Variants in ITIH5 observed in about 807,000 individuals in gnomAD.
ITIH5 encodes inter-alpha-trypsin inhibitor heavy chain 5.
A neutral mutation model predicts 77.5 loss-of-function variants in ITIH5; 65 were observed. The observed-to-expected ratio is 0.84, with a 90% confidence interval of 0.69 to 1.03. The LOEUF is 1.03. Ranked by LOEUF, ITIH5 falls within the 50% of genes least tolerant of loss-of-function variation. ITIH5 has a pLI of 0.00. For synonymous variants in ITIH5, 525 were observed against 494.3 expected (o/e 1.06, Z -0.82); for missense variants, 1,208 against 1,213.1 (o/e 1.00, Z 0.06).
At position 7,624,796 on chromosome 10, in the gene ITIH5, A is replaced by ATATATATATGTATATAC. The variant is rs201943945; in HGVS notation, c.653-7515_653-7514insGTATATACATATATATA. On this transcript the variant is annotated intron_variant, in intron 5 of 13. Coordinates refer to ENST00000397146, the MANE Select transcript of ITIH5 (RefSeq NM_030569.7). ...GTGAGACTCTGCCTAAAAAAAAAAA[A>ATATATATATGTATATAC]AAATATATATATATATACACATATA... is the stretch of plus-strand genomic sequence containing the variant. Among the ~76,000 whole-genome samples the ATATATATATGTATATAC allele has an allele frequency of 2.6e-4, 16 of 61,158 alleles. 1 individual carries two copies. The highest frequency in any genetic ancestry group is 6.5e-4 in the Admixed American group (3 of 4,614). The allele number at this position is 61,158 out of a possible 152,430, so 40.1% of individuals were successfully genotyped here.
chr10:7,570,989 C>T (rs560768063), intron 11 of ITIH5, among the ~76,000 whole-genome samples: 17 of 152,276 alleles, frequency 1.1e-4, no homozygotes, highest in South Asian at 4.1e-4. Flanking sequence ...ACGCTGTGCA[C>T]GGTGTAGGCA....
At chr10:7,635,101 G>A (rs1177781619) in intron 5 of ITIH5, among the ~76,000 whole-genome samples, 1 of 152,072 alleles carries the variant, frequency 6.6e-6, no homozygotes, top group Non-Finnish European at 1.5e-5. Flanking sequence ...CTTTTCTTCT[G>A]TAGTTCGAAG....
chr10:7,577,615 C>T (rs1357024441), intron 9 of ITIH5, among the ~76,000 whole-genome samples: 3 of 152,198 alleles, frequency 2.0e-5, no homozygotes, highest in Admixed American at 6.5e-5. Context: ...TGAGTTTGTG[C>T]GTATAACATT....
chr10:7,664,306 A>G (rs1834325504), intron 1 of ITIH5, among the ~76,000 whole-genome samples: 1 of 151,488 alleles, frequency 6.6e-6, no homozygotes, highest in Non-Finnish European at 1.5e-5. Flanking sequence ...AGGCTGAGGC[A>G]TGAGAATCAC....
rs371966427 is a variant in ITIH5 at position 7,570,002 on chromosome 10, G to T, written c.2033-218C>A. On this transcript the variant is annotated intron_variant, in intron 11 of 13. Coordinates refer to ENST00000397146, the MANE Select transcript of ITIH5 (RefSeq NM_030569.7). ...GTTTGCAGTAAACATTTGACTTCAGGTCTTCTAAATTCCAATATAATGCTC... is the reference window on the plus strand; with the variant it reads ...GTTTGCAGTAAACATTTGACTTCAGTTCTTCTAAATTCCAATATAATGCTC... The T allele has an allele frequency of 3.0e-4, 136 of 455,210 alleles. 1 individual carries two copies. The highest frequency in any genetic ancestry group is 1.9e-3 in the African/African-American group (97 of 50,638). 28.2% of individuals were successfully genotyped at this position (455,210 alleles called of 1,614,324 possible). A position where few individuals can be genotyped will look rare whatever the true frequency, so the allele number is the denominator to read the frequency against.
At chr10:7,605,962 C>T (rs1436275635) in intron 7 of ITIH5, among the ~76,000 whole-genome samples, 1 of 152,228 alleles carries the variant, frequency 6.6e-6, no homozygotes, top group Non-Finnish European at 1.5e-5. Context: ...CTTTCCGATG[C>T]TCACAGCAAG....
chr10:7,654,539 C>G (rs1834149799), intron 2 of ITIH5, among the ~76,000 whole-genome samples: 1 of 152,226 alleles, frequency 6.6e-6, no homozygotes, highest in South Asian at 2.1e-4. Context: ...AGGCTTAGTG[C>G]TCATTATTAA....
intron 1 of ITIH5, among the ~76,000 whole-genome samples, chr10:7,658,770 T>C (rs1834229174): frequency 6.6e-6 from 1 of 152,088 alleles, no homozygotes; most frequent in Admixed American, 6.6e-5. Flanking sequence ...TAATAAGAGG[T>C]TGTGGAGACC....
Position 7,566,088 on chromosome 10 carries a change from G to T in ITIH5, c.2469C>A (p.His823Gln). Residue 823 changes from histidine to glutamine, a missense_variant, in exon 13 of 14, where the codon CAC (histidine) becomes CAA (glutamine). By Grantham distance (24) the His-to-Gln change is conservative. Transcript: ENST00000397146. ...YKKPAPFQRH[H>Q]LGFYIANSEG... ...CGCTGTTGGCAATGTAGAAACCCAGGTGGTGTCGCTGGAAGGGCGCCGGCT... is the reference window on the plus strand; with the variant it reads ...CGCTGTTGGCAATGTAGAAACCCAGTTGGTGTCGCTGGAAGGGCGCCGGCT... 6.2e-7 allele frequency: 1 copy of T among 1,614,188 alleles called. No homozygotes were observed. The highest frequency in any genetic ancestry group is 8.5e-7 in the Non-Finnish European group (1 of 1,180,032).
At chr10:7,604,650 G>A (rs189820144) in intron 7 of ITIH5, among the ~76,000 whole-genome samples, 134 of 152,196 alleles carry the variant, frequency 8.8e-4, no homozygotes, top group African/African-American at 3.1e-3. Context: ...TTCATGCCTC[G>A]TGGTTTTCCC....
chr10:7,644,405 C>G (rs1018469685), intron 2 of ITIH5, among the ~76,000 whole-genome samples: 3 of 141,704 alleles, frequency 2.1e-5, no homozygotes, highest in East Asian at 4.1e-4. Context: ...TCACATATAT[C>G]ACATATATCA....
intron 1 of ITIH5, 31 bp downstream of exon 1, chr10:7,666,772 C>G: frequency 6.3e-7 from 1 of 1,583,264 alleles, no homozygotes; most frequent in Non-Finnish European, 8.6e-7. Context: ...GCGGCCGCGC[C>G]CGGGACCCGG....
chr10:7,617,057 G>A (rs1300904106), intron 6 of ITIH5, 56 bp downstream of exon 6: 9 of 1,117,668 alleles, frequency 8.1e-6, no homozygotes, highest in Admixed American at 2.8e-5. Flanking sequence ...TCCACAGTAT[G>A]AGTCTGTCCA....
intron 2 of ITIH5, among the ~76,000 whole-genome samples, chr10:7,649,671 C>T (rs1376791034): frequency 2.0e-5 from 3 of 152,058 alleles, no homozygotes; most frequent in Non-Finnish European, 4.4e-5. Context: ...TGAAAGAGAA[C>T]AGAAAGAACA....
intron 7 of ITIH5, among the ~76,000 whole-genome samples, chr10:7,600,882 A>T (rs1408766069): frequency 6.6e-6 from 1 of 152,206 alleles, no homozygotes; most frequent in Admixed American, 6.5e-5. Context: ...ATGACCCAGA[A>T]GGTGGGCCCT....
intron 7 of ITIH5, among the ~76,000 whole-genome samples, chr10:7,596,103 G>A (rs929489054): frequency 1.3e-5 from 2 of 152,156 alleles, no homozygotes; most frequent in African/African-American, 4.8e-5. Context: ...TTGTTCTAGC[G>A]GATCTTTGGG....
intron 5 of ITIH5, among the ~76,000 whole-genome samples, chr10:7,627,836 T>C (rs1833610078): frequency 7.7e-6 from 1 of 129,922 alleles, no homozygotes; most frequent in Non-Finnish European, 1.6e-5. Context: ...CCTTTTTTTT[T>C]TTTTTTTTTT....
chr10:7,611,911 CA>C (rs1242867457), intron 7 of ITIH5, among the ~76,000 whole-genome samples: 1 of 66,788 alleles, frequency 1.5e-5, no homozygotes, highest in African/African-American at 4.3e-5. Context: ...TATCCACCTG[CA>C]ATTTTTTTTT....
chr10:7,576,473 C>A lies in ITIH5; in HGVS notation c.1958G>T (p.Arg653Leu). 1 of 1,600,950 alleles carries A rather than the reference C, an allele frequency of 6.2e-7. No individual in the cohort carries two copies. Reference sequence around the variant, plus strand: ...CGTACCTGGCTGCGTGCCAGCTCCTCGCACGCTCTGCACCACCGGTTCGGG... The same window carrying A: ...CGTACCTGGCTGCGTGCCAGCTCCTAGCACGCTCTGCACCACCGGTTCGGG... ...MGPEPVVQSV[R>L]GAGTQPGPLL... The change falls in exon 10 of 14, where the codon CGA becomes CTA. Residue 653 changes from arginine to leucine, a missense_variant. Transcript: ENST00000397146.
Sources: gnomAD v4.1 joint callset for allele counts (sites outside exome capture counted in the v4.1 genomes callset) on GRCh38, gnomAD v4.1.1 for gene constraint, MANE v1.5 for transcripts, NCBI Gene and HGNC (gene_info 2026-07-23, HGNC 2026-07-21) for gene names.